Variants in FUT8 observed in about 807,000 individuals in gnomAD.
FUT8 encodes alpha-(1,6)-fucosyltransferase.
In FUT8, 29 loss-of-function variants were observed where a neutral mutation model predicts 71.3. The ratio of observed to expected loss-of-function variants is 0.41; its 90% CI spans 0.30 to 0.55. FUT8 has a LOEUF of 0.55. Ranked by LOEUF, FUT8 falls within the 20% of genes least tolerant of loss-of-function variation. The pLI, the probability that FUT8 is intolerant of heterozygous loss-of-function variation, is 0.34. For missense variants in FUT8, 544 were observed against 702.1 expected, an observed-to-expected ratio of 0.77 and a Z score of 2.55; for synonymous variants, 254 against 239.3, an observed-to-expected ratio of 1.06 and a Z score of -0.57.
chr14:65,481,539 G>A (rs2066330708), intron 2 of FUT8, among the ~76,000 whole-genome samples: 1 of 152,036 alleles, frequency 6.6e-6, no homozygotes, highest in African/African-American at 2.4e-5. Flanking sequence ...TTTGACATAT[G>A]TATACATCTG....
intron 3 of FUT8, among the ~76,000 whole-genome samples, chr14:65,597,017 A>G (rs1888016607): frequency 6.6e-6 from 1 of 152,184 alleles, no homozygotes; most frequent in Non-Finnish European, 1.5e-5. Flanking sequence ...ACAATAAATA[A>G]TTTTGATAGG....
chr14:65,412,153 G>A (rs1324206693), upstream of FUT8: 1 of 456,608 alleles, frequency 2.2e-6, no homozygotes, highest in Admixed American at 2.3e-5. Context: ...CTCTTCGAGT[G>A]AATGTGGAAA....
chr14:65,707,010 T>C (rs2140501535), intron 7 of FUT8, among the ~76,000 whole-genome samples: 1 of 152,306 alleles, frequency 6.6e-6, no homozygotes, highest in African/African-American at 2.4e-5. Context: ...TGTATTCTTT[T>C]AGAGCCTTAA....
At chr14:65,471,325 A>G (rs954211930) in intron 2 of FUT8, 2 of 155,220 alleles carry the variant, frequency 1.3e-5, no homozygotes, top group African/African-American at 4.8e-5. Context: ...TCTAAAAGCC[A>G]GTTGGTTAGG....
chr14:65,508,654 C>G (rs752338156), intron 2 of FUT8, among the ~76,000 whole-genome samples: 5 of 151,678 alleles, frequency 3.3e-5, no homozygotes, highest in Non-Finnish European at 7.4e-5. Flanking sequence ...GTGCCTGCCA[C>G]CACGCCCAGC....
intron 1 of FUT8, among the ~76,000 whole-genome samples, chr14:65,423,315 G>A (rs915780607): frequency 6.8e-6 from 1 of 147,106 alleles, no homozygotes; most frequent in Non-Finnish European, 1.5e-5. Flanking sequence ...AGGCTGGAGT[G>A]CAGTGGCGCA....
chr14:65,715,766 T>C (rs1348338636), intron 7 of FUT8, among the ~76,000 whole-genome samples: 1 of 152,180 alleles, frequency 6.6e-6, no homozygotes, highest in South Asian at 2.1e-4. Flanking sequence ...TTGTATAGTT[T>C]CTAAAATTTA....
At chr14:65,450,552 T>G (rs2065805915) in intron 1 of FUT8, among the ~76,000 whole-genome samples, 1 of 152,226 alleles carries the variant, frequency 6.6e-6, no homozygotes, top group Non-Finnish European at 1.5e-5. Context: ...ATTTCTTCCA[T>G]ATATTTGATG....
At chr14:65,616,965 C>T in intron 5 of FUT8, 1 of 1,124,280 alleles carries the variant, frequency 8.9e-7, no homozygotes, top group East Asian at 3.0e-5. Context: ...GTTTATCTTC[C>T]ACAGAAAAGA....
At chr14:65,402,196 ATTTTTT>A in the FUT8 span, among the ~76,000 whole-genome samples, 1 of 75,844 alleles carries the variant, frequency 1.3e-5, no homozygotes, top group Admixed American at 1.7e-4. Flanking sequence ...ATGGAGTGTG[ATTTTTT>A]TTTTTTTTTT....
rs1323397490 is a variant in FUT8 at position 65,574,657 on chromosome 14, G to A, written c.203+12891G>A. ...AAGCTTTAAATGGTGCTTCTTGTCT[G>A]TTTTAAAATGTTCTAGAATTGAGGT... On this transcript the variant is annotated intron_variant, in intron 3 of 10. Coordinates refer to ENST00000673929, the MANE Select transcript of FUT8 (RefSeq NM_001371533.1). This position sits in a 1 kb window ranked among gnomAD's most constrained non-coding sequence, Gnocchi z 5.2. Among the ~76,000 whole-genome samples the A allele has an allele frequency of 6.6e-6, 1 of 152,184 alleles. No individual in the cohort carries two copies. Among genetic ancestry groups the A allele is most frequent in the African/African-American group, 2.4e-5 (1 of 41,448 alleles).
chr14:65,439,146 C>T (rs1358844433), intron 1 of FUT8, among the ~76,000 whole-genome samples: 1 of 152,106 alleles, frequency 6.6e-6, no homozygotes, highest in East Asian at 1.9e-4. Context: ...CTATCCCTAC[C>T]CTAGTAACAT....
At chr14:65,699,682 C>T (rs4902409) in intron 7 of FUT8, among the ~76,000 whole-genome samples, 3,000 of 152,296 alleles carry the variant, frequency 0.02, 45 homozygotes, top group Non-Finnish European at 0.032. Context: ...GTTATACTTT[C>T]TGCTCTTCAT....
chr14:65,538,540 C>T (rs1448539241), intron 2 of FUT8, among the ~76,000 whole-genome samples: 1 of 152,134 alleles, frequency 6.6e-6, no homozygotes, highest in Non-Finnish European at 1.5e-5. Flanking sequence ...GGACATGAAG[C>T]AGTGAATACA....
chr14:65,647,689 A>G (rs1410424197), intron 6 of FUT8, among the ~76,000 whole-genome samples: 1 of 152,180 alleles, frequency 6.6e-6, no homozygotes, highest in African/African-American at 2.4e-5. Context: ...TTTGTTCCAT[A>G]TATAGTAGAG....
chr14:65,686,909 A>G (rs1053207084), intron 7 of FUT8, among the ~76,000 whole-genome samples: 1 of 152,164 alleles, frequency 6.6e-6, no homozygotes, highest in Admixed American at 6.5e-5. Context: ...GTTTCTTCCC[A>G]GGTTGAGAAG....
intron 6 of FUT8, among the ~76,000 whole-genome samples, chr14:65,654,082 A>T (rs1232097076): frequency 6.6e-6 from 1 of 152,318 alleles, no homozygotes; most frequent in African/African-American, 2.4e-5. Context: ...TTGAGTTTTT[A>T]AAATGTTGGG....
chr14:65,488,410 T>G (rs2066439491), intron 2 of FUT8: 1 of 152,228 alleles, frequency 6.6e-6, no homozygotes, highest in African/African-American at 2.4e-5. Context: ...CTGCCTGTGC[T>G]TTTCAGGGAG....
intron 1 of FUT8, among the ~76,000 whole-genome samples, chr14:65,423,724 G>A (rs1024904057): frequency 6.6e-6 from 1 of 152,074 alleles, no homozygotes; most frequent in African/African-American, 2.4e-5. Flanking sequence ...TAGATCCTTC[G>A]CCTTCCATTT....
Sources: gnomAD v4.1 joint callset for allele counts (sites outside exome capture counted in the v4.1 genomes callset) on GRCh38, gnomAD v4.1.1 for gene constraint, Gnocchi (gnomAD v3.1) non-coding constraint, MANE v1.5 for transcripts, NCBI Gene and HGNC (gene_info 2026-07-23, HGNC 2026-07-21) for gene names.